The following AADACL4 variants were observed in gnomAD, a reference collection of about 807,000 sequenced individuals.
The protein encoded by AADACL4 is arylacetamide deacetylase like 4.
In AADACL4, 9 loss-of-function variants were observed where a neutral mutation model predicts 14.1. The ratio of observed to expected loss-of-function variants is 0.64; its 90% CI spans 0.39 to 1.12. AADACL4 has a LOEUF of 1.12. Among genes scored for constraint, AADACL4 ranks in the 50% most tolerant of loss-of-function variants. The pLI is 0.01. For synonymous variants in AADACL4, 188 were observed against 201.6 expected, an observed-to-expected ratio of 0.93 and a Z score of 0.57; for missense variants, 531 against 516.1, an observed-to-expected ratio of 1.03 and a Z score of -0.28.
chr1:12,658,061 CTTTT>C (rs757998612), intron 2 of AADACL4, among the ~76,000 whole-genome samples: 1 of 142,564 alleles, frequency 7.0e-6, no homozygotes, highest in African/African-American at 2.9e-5. Context: ...TCCTTCCTTT[CTTTT>C]TCTCTTTCTT....
At chr1:12,648,878 G>A (rs1330392465) in intron 1 of AADACL4, among the ~76,000 whole-genome samples, 1 of 152,120 alleles carries the variant, frequency 6.6e-6, no homozygotes, top group Non-Finnish European at 1.5e-5. Flanking sequence ...GCCATCACAC[G>A]GTACAGCGTG....
At chr1:12,656,124 G>A (rs1647178010) in intron 2 of AADACL4, among the ~76,000 whole-genome samples, 1 of 152,210 alleles carries the variant, frequency 6.6e-6, no homozygotes, top group Admixed American at 6.5e-5. Context: ...GAGACGGAAA[G>A]TTACCCATGG....
chr1:12,646,881 G>A (rs943268500), intron 1 of AADACL4, among the ~76,000 whole-genome samples: 1 of 152,138 alleles, frequency 6.6e-6, no homozygotes, highest in Non-Finnish European at 1.5e-5. Flanking sequence ...ACATACAGTA[G>A]TGAATGTTCA....
intron 2 of AADACL4, among the ~76,000 whole-genome samples, chr1:12,655,178 C>T (rs1209317061): frequency 2.0e-5 from 3 of 152,132 alleles, no homozygotes; most frequent in Non-Finnish European, 4.4e-5. Flanking sequence ...TGGTCCTAGC[C>T]TGCAGTTCAG....
chr1:12,649,836 T>C (rs1002383745), intron 1 of AADACL4, among the ~76,000 whole-genome samples: 1 of 152,226 alleles, frequency 6.6e-6, no homozygotes, highest in African/African-American at 2.4e-5. Context: ...TTTCAGTTCA[T>C]TGGAGTTTGG....
rs941841866 is a variant in AADACL4, at chr1:12,644,479, C to T, written c.-68C>T. On this transcript the variant is annotated 5_prime_UTR_variant, in exon 1 of 4. Transcript: ENST00000376221. ...GGAGGAGGCGGAGGGTGTAACCCAG[C>T]CAGGTCCTCTTCACATAAGCTATCA... is the stretch of plus-strand genomic sequence containing the variant. The T allele has an allele frequency of 3.1e-5, 49 of 1,564,608 alleles. No homozygotes were observed. Among genetic ancestry groups the T allele is most frequent in the African/African-American group, 4.1e-5 (3 of 73,980 alleles).
At chr1:12,664,502 G>A (rs1019271078) in intron 3 of AADACL4, among the ~76,000 whole-genome samples, 2 of 151,948 alleles carry the variant, frequency 1.3e-5, no homozygotes, top group Admixed American at 1.3e-4. Context: ...AAGTGCCTGG[G>A]ATTACAGGCT....
At position 12,666,823 on chromosome 1, in the gene AADACL4, A is replaced by T. The variant is rs1400523046; in HGVS notation, c.*88A>T. The T allele has an allele frequency of 7.5e-7, 1 of 1,328,994 alleles. No individual in the cohort carries two copies. The highest frequency in any genetic ancestry group is 1.5e-5 in the African/African-American group (1 of 67,938). The allele number at this position is 1,328,994 out of a possible 1,614,324, so 82.3% of individuals were successfully genotyped here. A position where few individuals can be genotyped will look rare whatever the true frequency, so the allele number is the denominator to read the frequency against. On this transcript the variant is annotated 3_prime_UTR_variant, in exon 4 of 4. Transcript: ENST00000376221. ...TTAGTGAGTTCTATTTTATTGACTA[A>T]AGAGGTGCTACATCAATGCTTGGGG...
chr1:12,647,668 T>C (rs1405962661), intron 1 of AADACL4, among the ~76,000 whole-genome samples: 1 of 151,916 alleles, frequency 6.6e-6, no homozygotes, highest in Non-Finnish European at 1.5e-5. Context: ...TCTTTTTTTT[T>C]TTTTGAGACA....
At chr1:12,653,283 T>C (rs994027310) in intron 2 of AADACL4, among the ~76,000 whole-genome samples, 7 of 152,164 alleles carry the variant, frequency 4.6e-5, no homozygotes, top group African/African-American at 1.4e-4. Context: ...GTGTTTGCCA[T>C]AAAAGGCAAA....
At position 12,644,820 on chromosome 1, in the gene AADACL4, G is replaced by A. The variant is rs983406921; in HGVS notation, c.168+106G>A. 4.0e-6 allele frequency: 5 copies of A among 1,263,360 alleles called. No homozygotes were observed. The South Asian group carries it at 4.2e-5, about 11-fold the overall frequency. The allele number at this position is 1,263,360 out of a possible 1,614,324, so 78.3% of individuals were successfully genotyped here. A position where few individuals can be genotyped will look rare whatever the true frequency, so the allele number is the denominator to read the frequency against. ...ACTTCCCTTCTGTCTCTCTCTCTTCGGACTCCCTCAAGATAGACTTGTCTC... is the reference window on the plus strand; with the variant it reads ...ACTTCCCTTCTGTCTCTCTCTCTTCAGACTCCCTCAAGATAGACTTGTCTC... On this transcript the variant is annotated intron_variant, in intron 1 of 3. Coordinates refer to ENST00000376221, the MANE Select transcript of AADACL4 (RefSeq NM_001013630.2).
chr1:12,647,375 A>C (rs1383225693), intron 1 of AADACL4, among the ~76,000 whole-genome samples: 1 of 152,180 alleles, frequency 6.6e-6, no homozygotes, highest in Non-Finnish European at 1.5e-5. Flanking sequence ...CTAGGATTAC[A>C]GGCATGAACC....
At chr1:12,651,016 C>T in intron 1 of AADACL4, 107 bp from the exon 2 acceptor site, 2 of 1,072,362 alleles carry the variant, frequency 1.9e-6, no homozygotes, top group Non-Finnish European at 2.8e-6. Context: ...CTACAGGAGG[C>T]AGGTGAGAAA....
At position 12,665,984 on chromosome 1, in the gene AADACL4, A is replaced by T. The variant is rs766229622; in HGVS notation, c.473A>T (p.His158Leu). The T allele has an allele frequency of 2.5e-6, 4 of 1,609,864 alleles. No individual in the cohort carries two copies. In the East Asian group the frequency reaches 8.9e-5, roughly 36 times the overall value. Residue 158 changes from histidine to leucine, a missense_variant, in exon 4 of 4, where the codon CAT (histidine) becomes CTT (leucine). Coordinates refer to ENST00000376221, the MANE Select transcript of AADACL4 (RefSeq NM_001013630.2). ...AGGTACCGCAAGCTTCCTGACCACCATTCCCCTGCCCTTTTCCAAGACTGC... is the reference window on the plus strand; with the variant it reads ...AGGTACCGCAAGCTTCCTGACCACCTTTCCCCTGCCCTTTTCCAAGACTGC... ...MIGYRKLPDHHSPALFQDCMN... is the reference protein window; with the variant it reads ...MIGYRKLPDHLSPALFQDCMN...
chr1:12,645,226 A>G (rs1170373037), intron 1 of AADACL4, among the ~76,000 whole-genome samples: 1 of 51,736 alleles, frequency 1.9e-5, no homozygotes, highest in East Asian at 5.6e-4. Flanking sequence ...CTTCCTCCCT[A>G]TCTCCTTTCT....
At chr1:12,649,518 A>C (rs1230592318) in intron 1 of AADACL4, among the ~76,000 whole-genome samples, 1 of 152,168 alleles carries the variant, frequency 6.6e-6, no homozygotes, top group Admixed American at 6.5e-5. Flanking sequence ...GGTGACCTCC[A>C]CCTTGCAGAT....
At chr1:12,658,121 TTCCTTC>T (rs1647195739) in intron 2 of AADACL4, among the ~76,000 whole-genome samples, 7 of 128,948 alleles carry the variant, frequency 5.4e-5, no homozygotes, top group African/African-American at 2.3e-4. Flanking sequence ...CCTTCCTTCC[TTCCTTC>T]CTTCCTTCCT....
intron 2 of AADACL4, among the ~76,000 whole-genome samples, chr1:12,657,976 G>A (rs1264474000): frequency 6.6e-6 from 1 of 151,976 alleles, no homozygotes; most frequent in Non-Finnish European, 1.5e-5. Context: ...GCCTGGAATT[G>A]TCTTGTCTTG....
At chr1:12,659,396 C>T (rs1647209433) in intron 2 of AADACL4, among the ~76,000 whole-genome samples, 1 of 152,142 alleles carries the variant, frequency 6.6e-6, no homozygotes, top group South Asian at 2.1e-4. Context: ...AGGATCTGGC[C>T]CTTTGGAAGC....
Sources: gnomAD v4.1 joint callset for allele counts (sites outside exome capture counted in the v4.1 genomes callset) on GRCh38, gnomAD v4.1.1 for gene constraint, MANE v1.5 for transcripts, NCBI Gene and HGNC (gene_info 2026-07-23, HGNC 2026-07-21) for gene names.